The following VAT1L variants were observed in gnomAD, a reference collection of about 807,000 sequenced individuals.
VAT1L encodes vesicle amine transport 1 like.
Under a neutral mutation model 44.1 loss-of-function variants are expected in VAT1L, and 34 were observed. The observed-to-expected ratio is 0.77, with a 90% CI of 0.59 to 1.03. The LOEUF is 1.03. Among genes scored for constraint, VAT1L ranks in the 50% least tolerant of loss-of-function variants. The pLI, the probability that VAT1L is intolerant of heterozygous loss-of-function variation, is 0.00. For missense variants in VAT1L, 615 were observed against 538.8 expected (o/e 1.14, Z -1.40); for synonymous variants, 253 against 202.2 (o/e 1.25, Z -2.13).
At position 77,817,016 on chromosome 16, in the gene VAT1L, T is replaced by C. The variant is rs375801874; in HGVS notation, c.329T>C (p.Val110Ala). 4 of 1,613,928 alleles carry C rather than the reference T, an allele frequency of 2.5e-6. No individual in the cohort carries two copies. The highest frequency in any genetic ancestry group is 1.7e-5 in the Admixed American group (1 of 60,006). The part of the protein sequence containing the change: ...LVPGFECSGI[V>A]EALGDSVKGY... The stretch of plus-strand genomic sequence containing the variant: ...CCAGGATTTGAGTGTTCTGGGATTG[T>C]TGAAGCTCTGGGGGACAGCGTGAAA... The change falls in exon 2 of 9, where the codon GTT becomes GCT. Residue 110 changes from valine (V) to alanine (A), a missense_variant. Val to Ala is a moderately conservative substitution (Grantham distance 64). Coordinates refer to ENST00000302536, the MANE Select transcript of VAT1L (RefSeq NM_020927.3).
chr16:77,909,500 G>A (rs1248240778), intron 7 of VAT1L, among the ~76,000 whole-genome samples: 1 of 152,034 alleles, frequency 6.6e-6, no homozygotes, highest in Non-Finnish European at 1.5e-5. Context: ...AGCCAGGCGT[G>A]GTGGTGTGTG....
At chr16:77,838,427 G>T (rs2016663853) in intron 3 of VAT1L, among the ~76,000 whole-genome samples, 2 of 152,164 alleles carry the variant, frequency 1.3e-5, no homozygotes, top group Non-Finnish European at 2.9e-5. Context: ...ACCCAGGCTG[G>T]CCACTGGTCA....
chr16:77,872,152 G>T (rs2017039790), intron 4 of VAT1L, among the ~76,000 whole-genome samples: 1 of 152,130 alleles, frequency 6.6e-6, no homozygotes, highest in African/African-American at 2.4e-5. Context: ...CACACAGCAT[G>T]TAAGTAGCAG....
intron 7 of VAT1L, among the ~76,000 whole-genome samples, chr16:77,942,127 A>G (rs1363108155): frequency 1.3e-5 from 2 of 152,210 alleles, no homozygotes; most frequent in African/African-American, 4.8e-5. Context: ...GTAATTTACA[A>G]AGAAAAAAGA....
chr16:77,930,414 C>A (rs749671547), intron 7 of VAT1L, among the ~76,000 whole-genome samples: 14 of 152,104 alleles, frequency 9.2e-5, no homozygotes, highest in Admixed American at 6.6e-5. Context: ...GGGAGAAGGG[C>A]CCACAGGAAT....
chr16:77,882,491 A>G (rs955091291), intron 6 of VAT1L: 1 of 152,262 alleles, frequency 6.6e-6, no homozygotes, highest in Admixed American at 6.5e-5. Flanking sequence ...CATGCGTGGC[A>G]GACACTGTGC....
chr16:77,841,263 T>C (rs896466681), intron 3 of VAT1L, among the ~76,000 whole-genome samples: 22 of 152,318 alleles, frequency 1.4e-4, no homozygotes, highest in African/African-American at 5.1e-4. Flanking sequence ...AAAAACTTTT[T>C]GGTGAGATGG....
At chr16:77,836,039 T>C (rs773762915) in intron 3 of VAT1L, among the ~76,000 whole-genome samples, 2 of 152,196 alleles carry the variant, frequency 1.3e-5, no homozygotes, top group East Asian at 1.9e-4. Context: ...TTCATCTGTA[T>C]AGTGGAGGTG....
Position 77,978,649 on chromosome 16 carries a change from C to T in VAT1L, c.*954C>T, listed in dbSNP as rs1268807079. The T allele has an allele frequency of 6.6e-6, 1 of 152,226 alleles. No individual in the cohort carries two copies. The highest frequency in any genetic ancestry group is 1.5e-5 in the Non-Finnish European group (1 of 68,044). The allele number at this position is 152,226 out of a possible 1,614,324, so 9.4% of individuals were successfully genotyped here. ...TGGAAAAGTCAATGAGCATCTCCTT[C>T]CTTGCCAAAGCATGTCCCAACATGT... On this transcript the variant is annotated 3_prime_UTR_variant, in exon 9 of 9. Coordinates refer to ENST00000302536, the MANE Select transcript of VAT1L (RefSeq NM_020927.3).
chr16:77,822,265 G>C (rs1427473358), intron 2 of VAT1L, among the ~76,000 whole-genome samples: 1 of 152,136 alleles, frequency 6.6e-6, no homozygotes, highest in Non-Finnish European at 1.5e-5. Context: ...CTCCCAAATA[G>C]CTGGGATTAC....
At chr16:77,948,534 T>C (rs1314272596) in intron 7 of VAT1L, among the ~76,000 whole-genome samples, 1 of 152,160 alleles carries the variant, frequency 6.6e-6, no homozygotes, top group African/African-American at 2.4e-5. Flanking sequence ...GTAAACTTTT[T>C]GGAAAATTTC....
intron 7 of VAT1L, among the ~76,000 whole-genome samples, chr16:77,934,294 A>G (rs542367056): frequency 6.6e-6 from 1 of 152,210 alleles, no homozygotes; most frequent in Non-Finnish European, 1.5e-5. Context: ...GTTTTGGTAG[A>G]CAGAATGATG....
chr16:77,943,470 G>A (rs1416635152), intron 7 of VAT1L, among the ~76,000 whole-genome samples: 7 of 148,402 alleles, frequency 4.7e-5, no homozygotes, highest in Non-Finnish European at 7.4e-5. Context: ...CACCATCACG[G>A]CTCACTGCAA....
At chr16:77,939,464 G>C (rs1023426822) in intron 7 of VAT1L, among the ~76,000 whole-genome samples, 5 of 152,278 alleles carry the variant, frequency 3.3e-5, no homozygotes, top group African/African-American at 1.2e-4. Context: ...CCACAAATCA[G>C]GGCTCCCTTT....
intron 1 of VAT1L, among the ~76,000 whole-genome samples, chr16:77,814,205 C>T (rs2016312642): frequency 6.6e-6 from 1 of 152,164 alleles, no homozygotes; most frequent in Non-Finnish European, 1.5e-5. Flanking sequence ...CAAAAGCTAG[C>T]TATATCCAAA....
intron 3 of VAT1L, among the ~76,000 whole-genome samples, chr16:77,861,360 A>G (rs1219327495): frequency 1.3e-5 from 2 of 152,226 alleles, no homozygotes; most frequent in African/African-American, 4.8e-5. Context: ...CATGACCACA[A>G]CATTTTGTCC....
In VAT1L at chr16:77,882,820, G is replaced by C. The variant is rs184044991; in HGVS notation, c.883-1788G>C. On this transcript the variant is annotated intron_variant, in intron 6 of 8. Transcript: ENST00000302536. ...GGGTCCTAAAAATCACTGTCCCATA[G>C]AATAGAATTTTGGATGTAAGGAATA... Among the ~76,000 whole-genome samples the C allele has an allele frequency of 2.5e-3, 382 of 152,286 alleles. 5 individuals carry two copies. The highest frequency in any genetic ancestry group is 8.7e-3 in the African/African-American group (363 of 41,554).
chr16:77,903,400 C>A (rs17775015), intron 7 of VAT1L, among the ~76,000 whole-genome samples: 15,294 of 152,144 alleles, frequency 0.1, 797 homozygotes, highest in South Asian at 0.17. Context: ...TAGTTAGTAC[C>A]TCATATAATA....
chr16:77,905,469 G>T (rs762080388), intron 7 of VAT1L, among the ~76,000 whole-genome samples: 1 of 152,070 alleles, frequency 6.6e-6, no homozygotes, highest in Admixed American at 6.6e-5. Context: ...TGCAAACATA[G>T]AGTAGCCTCG....
Sources: allele counts gnomAD v4.1 joint callset (sites outside exome capture counted in the v4.1 genomes callset), GRCh38; gene constraint gnomAD v4.1.1; transcripts MANE v1.5; gene names NCBI Gene and HGNC (gene_info 2026-07-23, HGNC 2026-07-21).